NPLOC4: variants seen among roughly 807,000 people sequenced by gnomAD.
The protein encoded by NPLOC4 is nuclear protein localization protein 4 homolog.
In NPLOC4, 18 loss-of-function variants were observed where a neutral mutation model predicts 80.6. That is an observed-to-expected ratio of 0.22 (90% CI 0.15 to 0.33). The LOEUF is 0.33. Among genes scored for constraint, NPLOC4 ranks in the 10% least tolerant of loss-of-function variants. The pLI, the probability that NPLOC4 is intolerant of heterozygous loss-of-function variation, is 1.00. For synonymous variants in NPLOC4, 313 were observed against 301.5 expected, an observed-to-expected ratio of 1.04 and a Z score of -0.39; for missense variants, 540 against 786.1, an observed-to-expected ratio of 0.69 and a Z score of 3.74.
At chr17:81,596,363 T>C (rs2144175957) in intron 10 of NPLOC4, 121 bp from the exon 11 acceptor site, 1 of 1,165,810 alleles carries the variant, frequency 8.6e-7, no homozygotes. Flanking sequence ...ATTCCAGCAC[T>C]TTGAGAGGTG....
rs1030666488 is a variant in NPLOC4, at chr17:81,558,337, C to G, written c.*922G>C. 1 of 152,332 alleles carries G rather than the reference C, an allele frequency of 6.6e-6. No homozygotes were observed. Among genetic ancestry groups the G allele is most frequent in the Non-Finnish European group, 1.5e-5 (1 of 68,130 alleles). The allele number at this position is 152,332 out of a possible 1,614,324, so 9.4% of individuals were successfully genotyped here. A position where few individuals can be genotyped will look rare whatever the true frequency, so the allele number is the denominator to read the frequency against. On this transcript the variant is annotated 3_prime_UTR_variant, in exon 17 of 17. Transcript: ENST00000331134. ...GCACCGGTGACCCAGCTCTCCCACC[C>G]AGGCCATCGCAGGGCAGCCTCAGGG...
intron 10 of NPLOC4, among the ~76,000 whole-genome samples, chr17:81,596,541 G>T (rs1339024872): frequency 6.6e-6 from 1 of 152,104 alleles, no homozygotes; most frequent in Non-Finnish European, 1.5e-5. Context: ...ACTCCAACCT[G>T]TGCAACACAG....
At chr17:81,618,113 C>T (rs1013191126) in intron 3 of NPLOC4, among the ~76,000 whole-genome samples, 77 of 152,076 alleles carry the variant, frequency 5.1e-4, no homozygotes, top group Middle Eastern at 3.4e-3. Flanking sequence ...TCTGCCTGGC[C>T]GCCCATCGTC....
At chr17:81,630,631 T>C (rs1476896278) in intron 1 of NPLOC4, among the ~76,000 whole-genome samples, 1 of 152,102 alleles carries the variant, frequency 6.6e-6, no homozygotes, top group Admixed American at 6.6e-5. Context: ...TCTGTAATTG[T>C]AGCACTTTGG....
At chr17:81,613,066 T>G (rs1452736662) in intron 4 of NPLOC4, 2 of 371,060 alleles carry the variant, frequency 5.4e-6, no homozygotes, top group African/African-American at 2.2e-5. Context: ...AGTCTCTTTG[T>G]ACCCAAATGC....
At chr17:81,623,434 C>T (rs750240120) in intron 2 of NPLOC4, among the ~76,000 whole-genome samples, 4 of 132,772 alleles carry the variant, frequency 3.0e-5, no homozygotes, top group Non-Finnish European at 4.6e-5. Context: ...CACTGCACTC[C>T]AGCCTGGGTG....
intron 2 of NPLOC4, among the ~76,000 whole-genome samples, chr17:81,626,992 A>G (rs2035811353): frequency 6.6e-6 from 1 of 151,890 alleles, no homozygotes; most frequent in South Asian, 2.1e-4. Context: ...CGGGAGGCTG[A>G]GGCAACAGAA....
intron 16 of NPLOC4, chr17:81,563,479 A>C (rs943417025): frequency 1.3e-5 from 2 of 159,370 alleles, no homozygotes; most frequent in African/African-American, 4.9e-5. Flanking sequence ...CTGATGCAGG[A>C]GGATCGCTTG....
chr17:81,592,801 T>C (rs1264614191), intron 11 of NPLOC4, among the ~76,000 whole-genome samples: 1 of 152,130 alleles, frequency 6.6e-6, no homozygotes, highest in Non-Finnish European at 1.5e-5. Context: ...CTGGCCAACA[T>C]GGTGAAACCC....
chr17:81,628,013 C>A (rs1319805337), intron 2 of NPLOC4, among the ~76,000 whole-genome samples: 1 of 151,754 alleles, frequency 6.6e-6, no homozygotes, highest in Non-Finnish European at 1.5e-5. Context: ...GAGATGAAGA[C>A]CATCCTGGCT....
chr17:81,613,769 A>T (rs1023815527), intron 3 of NPLOC4, among the ~76,000 whole-genome samples: 1 of 152,086 alleles, frequency 6.6e-6, no homozygotes, highest in Non-Finnish European at 1.5e-5. Flanking sequence ...TTGCTTGCAC[A>T]CACAGCCACA....
At chr17:81,595,281 A>G (rs1280838914) in intron 11 of NPLOC4, among the ~76,000 whole-genome samples, 1 of 151,780 alleles carries the variant, frequency 6.6e-6, no homozygotes, top group East Asian at 1.9e-4. Context: ...TAAAAATACA[A>G]AAATTAGCCA....
intron 5 of NPLOC4, 66 bp from the exon 6 acceptor site, chr17:81,608,888 T>A (rs2035273028): frequency 1.6e-6 from 2 of 1,288,620 alleles, no homozygotes; most frequent in Non-Finnish European, 2.2e-6. Flanking sequence ...GCTGAGCCTC[T>A]GCTACGCACA....
chr17:81,564,979 G>A lies in NPLOC4; in HGVS notation c.1669+526C>T, dbSNP rs2033965974. On this transcript the variant is annotated intron_variant, in intron 16 of 16. Transcript: ENST00000331134. ...GTGCGTGAGGAGTCCCTGCAGCAATGCTGACAGAAGGTTCTCACGAGTGGG... is the reference window on the plus strand; with the variant it reads ...GTGCGTGAGGAGTCCCTGCAGCAATACTGACAGAAGGTTCTCACGAGTGGG... The A allele has an allele frequency of 9.1e-6, 3 of 329,132 alleles. No individual in the cohort carries two copies. The South Asian group carries it at 9.9e-5, about 11-fold the overall frequency. The allele number at this position is 329,132 out of a possible 1,614,324, so 20.4% of individuals were successfully genotyped here. A position where few individuals can be genotyped will look rare whatever the true frequency, so the allele number is the denominator to read the frequency against.
intron 2 of NPLOC4, 108 bp from the exon 3 acceptor site, chr17:81,622,386 G>T (rs951454283): frequency 1.2e-6 from 1 of 820,894 alleles, no homozygotes. Context: ...TTTGGAAAGT[G>T]CCCATCATTT....
intron 12 of NPLOC4, among the ~76,000 whole-genome samples, chr17:81,585,294 C>A (rs562647554): frequency 3.2e-4 from 49 of 150,964 alleles, no homozygotes; most frequent in African/African-American, 1.2e-3. Flanking sequence ...GACAGAGAAG[C>A]ATCAAAGATT....
At chr17:81,587,341 A>C (rs1003893663) in intron 12 of NPLOC4, among the ~76,000 whole-genome samples, 1 of 151,866 alleles carries the variant, frequency 6.6e-6, no homozygotes, top group African/African-American at 2.4e-5. Context: ...TTTGAGACGG[A>C]GTCTTGCTCT....
chr17:81,603,455 G>T (rs1479053093), intron 8 of NPLOC4, among the ~76,000 whole-genome samples: 1 of 151,368 alleles, frequency 6.6e-6, no homozygotes, highest in Non-Finnish European at 1.5e-5. Flanking sequence ...AACTAGCTTG[G>T]CATGGTGGCA....
chr17:81,564,109 C>CACACACACACACACACAG (rs751782727), intron 16 of NPLOC4: 91 of 335,026 alleles, frequency 2.7e-4, no homozygotes, highest in African/African-American at 1.8e-3. Context: ...CACACACACA[C>CACACACACACACACACAG]ACACACACAA....
Sources: allele counts gnomAD v4.1 joint callset (sites outside exome capture counted in the v4.1 genomes callset), GRCh38; gene constraint gnomAD v4.1.1; transcripts MANE v1.5; gene names NCBI Gene and HGNC (gene_info 2026-07-23, HGNC 2026-07-21).